The following ZFHX4 variants were observed in gnomAD, a reference collection of about 807,000 sequenced individuals.
The protein encoded by ZFHX4 is zinc finger homeobox 4.
Under a neutral mutation model 267.6 loss-of-function variants are expected in ZFHX4, and 56 were observed. That is an observed-to-expected ratio of 0.21 (90% CI 0.17 to 0.26). The LOEUF is 0.26. Ranked by LOEUF, ZFHX4 falls within the 10% of genes least tolerant of loss-of-function variation. The pLI, the probability that ZFHX4 is intolerant of heterozygous loss-of-function variation, is 1.00. For missense variants in ZFHX4, 4,332 were observed against 4,420.0 expected (o/e 0.98, Z 0.56); for synonymous variants, 1,778 against 1,665.6 (o/e 1.07, Z -1.64).
chr8:76,835,691 C>T lies in ZFHX4; in HGVS notation c.3394+2285C>T, dbSNP rs139456025. On this transcript the variant is annotated intron_variant, in intron 5 of 10. Coordinates refer to ENST00000651372, the MANE Select transcript of ZFHX4 (RefSeq NM_024721.5). ...TATGAAATAGAATAAACCTACTCTC[C>T]CTCCCCCACCTCAAACCAATGAAAA... Among the ~76,000 whole-genome samples, 79 of 152,108 alleles carry T rather than the reference C, an allele frequency of 5.2e-4. 1 individual carries two copies. The East Asian group carries it at 0.015, about 29-fold the overall frequency.
chr8:76,858,215 A>T (rs1812781145), intron 10 of ZFHX4, among the ~76,000 whole-genome samples: 1 of 152,216 alleles, frequency 6.6e-6, no homozygotes, highest in South Asian at 2.1e-4. Flanking sequence ...AAAGGAGGAA[A>T]AGAGATGTTT....
At chr8:76,779,524 C>T (rs896443727) in intron 4 of ZFHX4, among the ~76,000 whole-genome samples, 1 of 152,048 alleles carries the variant, frequency 6.6e-6, no homozygotes, top group East Asian at 1.9e-4. Flanking sequence ...AGCTTGAGAG[C>T]GTACTCCATT....
At chr8:76,842,327 A>G (rs1483529823) in intron 5 of ZFHX4, among the ~76,000 whole-genome samples, 1 of 152,198 alleles carries the variant, frequency 6.6e-6, no homozygotes, top group Non-Finnish European at 1.5e-5. Context: ...ATGTTGTTAC[A>G]AGGTTCTACT....
In ZFHX4 at chr8:76,743,211, G is replaced by C. The variant is rs758415014; in HGVS notation, c.3094-34997G>C. ...TCAGGCCTTCAGATTGAATCTCAGA[G>C]ACTGAGCTGTGATTTGTATCTCTTA... On this transcript the variant is annotated intron_variant, in intron 3 of 10. Coordinates refer to ENST00000651372, the MANE Select transcript of ZFHX4 (RefSeq NM_024721.5). Among the ~76,000 whole-genome samples the C allele has an allele frequency of 5.2e-4, 79 of 152,286 alleles. 1 individual carries two copies. Among genetic ancestry groups the C allele is most frequent in the Non-Finnish European group, 6.5e-4 (44 of 68,038 alleles).
intron 4 of ZFHX4, among the ~76,000 whole-genome samples, chr8:76,808,308 T>C (rs1811294233): frequency 6.6e-6 from 1 of 152,118 alleles, no homozygotes; most frequent in Non-Finnish European, 1.5e-5. Context: ...ACCCAAATAA[T>C]CTATCTAAAC....
In ZFHX4 at chr8:76,705,453, C is replaced by A; in HGVS notation, c.1365C>A (p.His455Gln). 1 of 1,613,764 alleles carries A rather than the reference C, an allele frequency of 6.2e-7. No homozygotes were observed. Among genetic ancestry groups the A allele is most frequent in the Non-Finnish European group, 8.5e-7 (1 of 1,179,828 alleles). ...CERPKESNVLHPNGECPVKSE... is the reference protein window; with the variant it reads ...CERPKESNVLQPNGECPVKSE... ...GGCCAAAAGAAAGCAACGTTTTACACCCAAACGGGGAGTGCCCTGTCAAAA... is the reference window on the plus strand; with the variant it reads ...GGCCAAAAGAAAGCAACGTTTTACAACCAAACGGGGAGTGCCCTGTCAAAA... The change falls in exon 2 of 11, where the codon CAC (histidine) becomes CAA (glutamine). Residue 455 changes from histidine to glutamine, a missense_variant. His to Gln is a conservative substitution (Grantham distance 24). This residue lies in a region of ZFHX4 where 1,195 missense variants were observed against 1,173.6 expected (regional missense o/e 1.02). Transcript: ENST00000651372.
rs776008771 is a variant in ZFHX4, at chr8:76,864,350, C to T, written c.10636C>T (p.Pro3546Ser). The T allele has an allele frequency of 4.3e-6, 7 of 1,613,894 alleles. No homozygotes were observed. The highest frequency in any genetic ancestry group is 5.9e-6 in the Non-Finnish European group (7 of 1,179,864). The change falls in exon 11 of 11, where the codon CCT becomes TCT. Residue 3546 changes from proline to serine, a missense_variant. Physicochemically the swap from Pro to Ser is moderately conservative, Grantham distance 74. Coordinates refer to ENST00000651372, the MANE Select transcript of ZFHX4 (RefSeq NM_024721.5). ...AGCTGCTTCTCCCCCTTCTTCTCCT[C>T]CTTCCCTTTCCTTGCCTTCAACGGT... ...RRAASPPSSPPSLSLPSTVTS... is the reference protein window; with the variant it reads ...RRAASPPSSPSSLSLPSTVTS...
rs1563556493 is a variant in ZFHX4 at position 76,849,136 on chromosome 8, C to T, written c.3645+8C>T. The T allele has an allele frequency of 3.9e-6, 6 of 1,542,886 alleles. No homozygotes were observed. The highest frequency in any genetic ancestry group is 3.7e-5 in the South Asian group (3 of 81,470). ...AAATTCTGTCATGAACAGGTAAATA[C>T]TTTTTTTCCCCTTTACTGTGTAAAT... On this transcript the variant is annotated splice_region_variant and intron_variant, in intron 7 of 10. Coordinates refer to ENST00000651372, the MANE Select transcript of ZFHX4 (RefSeq NM_024721.5).
chr8:76,741,554 A>G (rs1475359308), intron 3 of ZFHX4, among the ~76,000 whole-genome samples: 9 of 152,122 alleles, frequency 5.9e-5, no homozygotes, highest in East Asian at 1.9e-4. Flanking sequence ...TTAAATTTGC[A>G]TTTGTGTGGG....
Position 76,852,576 on chromosome 8 carries a change from AAAG to A in ZFHX4, c.5659_5661del (p.Lys1887del). On this transcript the variant is annotated inframe_deletion, in exon 10 of 11. Transcript: ENST00000651372. The stretch of plus-strand genomic sequence containing the variant: ...AAGGACTCAAAGAAGGCAAAGACAC[AAAG>A]AAGCAAAAATCCTTGGAACCATCCA... 1 of 1,611,628 alleles carries A rather than the reference AAAG, an allele frequency of 6.2e-7. No individual in the cohort carries two copies. The highest frequency in any genetic ancestry group is 8.5e-7 in the Non-Finnish European group (1 of 1,178,682).
chr8:76,787,618 C>T (rs1293732989), intron 4 of ZFHX4, among the ~76,000 whole-genome samples: 5 of 138,256 alleles, frequency 3.6e-5, no homozygotes, highest in Admixed American at 3.2e-4. Flanking sequence ...CTGGCTAACA[C>T]GGTGAAACCC....
chr8:76,750,503 G>A (rs1211497427), intron 3 of ZFHX4, among the ~76,000 whole-genome samples: 1 of 152,114 alleles, frequency 6.6e-6, no homozygotes, highest in Non-Finnish European at 1.5e-5. Flanking sequence ...ATACAAGGAA[G>A]TAGAATGTGT....
chr8:76,756,319 T>C (rs1809759995), intron 3 of ZFHX4, among the ~76,000 whole-genome samples: 1 of 152,226 alleles, frequency 6.6e-6, no homozygotes, highest in Admixed American at 6.5e-5. Context: ...CTCCCAACTA[T>C]TGAATAATTT....
At chr8:76,697,045 G>A (rs1807977265) in intron 1 of ZFHX4, among the ~76,000 whole-genome samples, 1 of 151,910 alleles carries the variant, frequency 6.6e-6, no homozygotes, top group Non-Finnish European at 1.5e-5. Context: ...ATTATGGTAG[G>A]TTTAGCCTGC....
At chr8:76,696,577 G>T (rs1807962185) in intron 1 of ZFHX4, among the ~76,000 whole-genome samples, 1 of 148,234 alleles carries the variant, frequency 6.7e-6, no homozygotes, top group African/African-American at 2.5e-5. Flanking sequence ...AAACACAAAA[G>T]CTAATTACTG....
intron 2 of ZFHX4, 146 bp from the exon 3 acceptor site, chr8:76,707,400 T>C (rs368305526): frequency 2.9e-6 from 2 of 699,258 alleles, no homozygotes; most frequent in East Asian, 2.8e-5. Flanking sequence ...TGATTGTAAT[T>C]GATCCTGATT....
chr8:76,760,245 G>A (rs928910541), intron 3 of ZFHX4, among the ~76,000 whole-genome samples: 2 of 152,124 alleles, frequency 1.3e-5, no homozygotes, highest in African/African-American at 4.8e-5. Flanking sequence ...TATACTTGGA[G>A]GTCAGTATCT....
chr8:76,858,808 C>T (rs1020486148), intron 10 of ZFHX4, among the ~76,000 whole-genome samples: 2 of 152,192 alleles, frequency 1.3e-5, no homozygotes, highest in African/African-American at 2.4e-5. Flanking sequence ...GCGTTTCTTA[C>T]AAGCCCTGGG....
At chr8:76,736,433 GA>G (rs1809162827) in intron 3 of ZFHX4, among the ~76,000 whole-genome samples, 1 of 152,044 alleles carries the variant, frequency 6.6e-6, no homozygotes, top group South Asian at 2.1e-4. Flanking sequence ...TTATGGACAA[GA>G]ATGTCTTCTA....
Sources: gnomAD v4.1 joint callset for allele counts (sites outside exome capture counted in the v4.1 genomes callset) on GRCh38, gnomAD v4.1.1 for gene constraint, gnomAD v4.1.1 regional missense constraint, MANE v1.5 for transcripts, NCBI Gene and HGNC (gene_info 2026-07-23, HGNC 2026-07-21) for gene names.